The following TBC1D8 variants were observed in gnomAD, a reference collection of about 807,000 sequenced individuals.
TBC1D8 encodes the protein TBC1 domain family member 8, also known as BUB2-like protein 1.
In TBC1D8, 65 loss-of-function variants were observed where a neutral mutation model predicts 118.8. That is an observed-to-expected ratio of 0.55 (90% CI 0.45 to 0.67). The LOEUF (loss-of-function observed/expected upper bound fraction) is 0.67, where lower values mean the gene tolerates loss of function less well. Among genes scored for constraint, TBC1D8 ranks in the 30% least tolerant of loss-of-function variants. TBC1D8 has a pLI of 0.00. For missense variants in TBC1D8, 1,376 were observed against 1,471.2 expected (o/e 0.94, Z 1.06); for synonymous variants, 566 against 595.8 (o/e 0.95, Z 0.73).
In TBC1D8 at chr2:101,064,387, A is replaced by G. The variant is rs150771456; in HGVS notation, c.284-4848T>C. Among the ~76,000 whole-genome samples, 375 of 152,284 alleles carry G rather than the reference A, an allele frequency of 2.5e-3. 2 individuals carry two copies. The highest frequency in any genetic ancestry group is 6.8e-3 in the Middle Eastern group (2 of 294). ...TTCCCAGGCTCCAGAACTGTGAGAA[A>G]TCAATGCTTGTTATTTAAGCCACTC... is the stretch of plus-strand genomic sequence containing the variant. On this transcript the variant is annotated intron_variant, in intron 2 of 19. Coordinates refer to ENST00000409318, the MANE Select transcript of TBC1D8 (RefSeq NM_001330348.2).
chr2:101,062,787 G>A (rs866988702), intron 2 of TBC1D8, among the ~76,000 whole-genome samples: 151 of 152,176 alleles, frequency 9.9e-4, no homozygotes, highest in African/African-American at 3.3e-3. Context: ...GACCACAGGC[G>A]CACACCACCA....
At chr2:101,135,214 T>C (rs916112887) in intron 1 of TBC1D8, among the ~76,000 whole-genome samples, 1 of 152,142 alleles carries the variant, frequency 6.6e-6, no homozygotes, top group Non-Finnish European at 1.5e-5. Context: ...AAGCCGTTTT[T>C]ACAGTGAGAT....
At chr2:101,028,563 C>G (rs920447352) in intron 12 of TBC1D8, 131 bp from the exon 13 acceptor site, 1 of 1,326,872 alleles carries the variant, frequency 7.5e-7, no homozygotes, top group African/African-American at 1.5e-5. Flanking sequence ...AAGGCTGCAG[C>G]TGCTCGGCTT....
chr2:101,049,946 C>A (rs1276759900), intron 5 of TBC1D8, among the ~76,000 whole-genome samples: 2 of 151,564 alleles, frequency 1.3e-5, no homozygotes, highest in Non-Finnish European at 2.9e-5. Flanking sequence ...CCTGCCTCAG[C>A]CTCCTGAGTA....
intron 2 of TBC1D8, among the ~76,000 whole-genome samples, chr2:101,063,667 G>C (rs1408731527): frequency 6.6e-6 from 1 of 152,066 alleles, no homozygotes; most frequent in Non-Finnish European, 1.5e-5. Context: ...AAAAGGGAAA[G>C]TCCTTTAATA....
chr2:101,144,516 C>T lies in TBC1D8; in HGVS notation c.127+6611G>A, dbSNP rs892760136. Among the ~76,000 whole-genome samples, 3 of 152,270 alleles carry T rather than the reference C, an allele frequency of 2.0e-5. 1 individual carries two copies. Among genetic ancestry groups the T allele is most frequent in the African/African-American group, 4.8e-5 (2 of 41,550 alleles). On this transcript the variant is annotated intron_variant, in intron 1 of 19. Coordinates refer to ENST00000409318, the MANE Select transcript of TBC1D8 (RefSeq NM_001330348.2). Reference sequence around the variant, plus strand: ...AACCCAAGAGGTGGTTCAGGGGCAGCGCCTGCAACCCCCAACAGTGATTAA... The same window carrying T: ...AACCCAAGAGGTGGTTCAGGGGCAGTGCCTGCAACCCCCAACAGTGATTAA...
At chr2:101,027,969 C>G in intron 14 of TBC1D8, 79 bp downstream of exon 14, 3 of 1,311,172 alleles carry the variant, frequency 2.3e-6, no homozygotes, top group Non-Finnish European at 3.3e-6. Flanking sequence ...AGCTGGCATT[C>G]TTATGACCAA....
chr2:101,073,260 AT>A (rs111766054), intron 2 of TBC1D8, among the ~76,000 whole-genome samples: 57 of 149,736 alleles, frequency 3.8e-4, no homozygotes, highest in Non-Finnish European at 6.4e-4. Flanking sequence ...ACATTGTTTT[AT>A]TTTTTTTATT....
At chr2:101,037,740 G>A (rs764133607) in intron 7 of TBC1D8, 32 bp from the exon 8 acceptor site, 2 of 1,607,642 alleles carry the variant, frequency 1.2e-6, no homozygotes, top group African/African-American at 1.3e-5. Context: ...GACAGAGAGA[G>A]AGAGGAGAGG....
chr2:101,085,218 A>G (rs1438608473), intron 2 of TBC1D8, among the ~76,000 whole-genome samples: 1 of 152,128 alleles, frequency 6.6e-6, no homozygotes, highest in Non-Finnish European at 1.5e-5. Flanking sequence ...AGGCCAATTA[A>G]GTATCCAATA....
chr2:101,149,769 G>C (rs1195247233), intron 1 of TBC1D8, among the ~76,000 whole-genome samples: 1 of 152,118 alleles, frequency 6.6e-6, no homozygotes, highest in Non-Finnish European at 1.5e-5. Context: ...GGTGCGTCAC[G>C]GGGCCCAACA....
At chr2:101,057,905 A>T (rs952693305) in intron 3 of TBC1D8, among the ~76,000 whole-genome samples, 1 of 152,232 alleles carries the variant, frequency 6.6e-6, no homozygotes, top group African/African-American at 2.4e-5. Flanking sequence ...CCAGCCATGA[A>T]ATCTAGGAGA....
chr2:101,101,956 T>C (rs917568984), intron 1 of TBC1D8, among the ~76,000 whole-genome samples: 4 of 150,618 alleles, frequency 2.7e-5, no homozygotes, highest in Middle Eastern at 3.4e-3. Flanking sequence ...CAAACCACCA[T>C]GGTACACATA....
intron 11 of TBC1D8, among the ~76,000 whole-genome samples, chr2:101,030,137 T>A (rs1680582970): frequency 2.6e-5 from 4 of 152,180 alleles, no homozygotes; most frequent in Admixed American, 2.6e-4. Flanking sequence ...ATACAACATT[T>A]CTTATGACAT....
intron 12 of TBC1D8, among the ~76,000 whole-genome samples, chr2:101,029,088 C>T (rs1034241837): frequency 7.9e-5 from 12 of 152,158 alleles, no homozygotes; most frequent in Non-Finnish European, 1.3e-4. Flanking sequence ...GAGGCTGAGA[C>T]GAACAGAAAA....
intron 1 of TBC1D8, among the ~76,000 whole-genome samples, chr2:101,128,375 G>A (rs1211885152): frequency 6.6e-6 from 1 of 152,172 alleles, no homozygotes; most frequent in African/African-American, 2.4e-5. Flanking sequence ...AAGCTTCCTG[G>A]GAAGAGTAAT....
intron 1 of TBC1D8, among the ~76,000 whole-genome samples, chr2:101,146,991 A>G (rs1218094863): frequency 1.3e-5 from 2 of 152,058 alleles, no homozygotes; most frequent in Non-Finnish European, 2.9e-5. Context: ...TTCACTTAAC[A>G]CGATGTCCTC....
At chr2:101,089,714 G>T (rs1270210584) in intron 2 of TBC1D8, among the ~76,000 whole-genome samples, 1 of 152,064 alleles carries the variant, frequency 6.6e-6, no homozygotes, top group Non-Finnish European at 1.5e-5. Context: ...GGAGAAGACT[G>T]CCCTGAGTCA....
At chr2:101,061,876 C>T (rs1034448044) in intron 2 of TBC1D8, among the ~76,000 whole-genome samples, 1 of 152,194 alleles carries the variant, frequency 6.6e-6, no homozygotes, top group Non-Finnish European at 1.5e-5. Flanking sequence ...TATTTTAAAA[C>T]AAAATCAAAC....
Sources: allele counts gnomAD v4.1 joint callset (sites outside exome capture counted in the v4.1 genomes callset), GRCh38; gene constraint gnomAD v4.1.1; transcripts MANE v1.5; gene names NCBI Gene and HGNC (gene_info 2026-07-23, HGNC 2026-07-21).